PDE4B: variants seen among roughly 807,000 people sequenced by gnomAD.
The protein encoded by PDE4B is phosphodiesterase 4B.
PDE4B carries 20 observed loss-of-function variants against 82.2 expected under a neutral mutation model. The observed-to-expected ratio is 0.24, with a 90% CI of 0.17 to 0.35. PDE4B has a LOEUF of 0.35. Among genes scored for constraint, PDE4B ranks in the 10% least tolerant of loss-of-function variants. PDE4B has a pLI of 1.00. For missense variants in PDE4B, 655 were observed against 907.2 expected (o/e 0.72, Z 3.57); for synonymous variants, 320 against 318.9 (o/e 1.00, Z -0.04).
At chr1:65,851,542 A>G (rs1408894308) in intron 1 of PDE4B, among the ~76,000 whole-genome samples, 2 of 152,056 alleles carry the variant, frequency 1.3e-5, no homozygotes, top group African/African-American at 2.4e-5. Context: ...AAGTACACAT[A>G]TAAATTGTTA....
intron 3 of PDE4B, among the ~76,000 whole-genome samples, chr1:65,934,084 C>T (rs1458143162): frequency 6.6e-6 from 1 of 151,912 alleles, no homozygotes; most frequent in East Asian, 1.9e-4. Flanking sequence ...ATGTAAGCCC[C>T]ATAGTGGCCA....
At chr1:65,895,137 G>A (rs1025650838) in intron 1 of PDE4B, among the ~76,000 whole-genome samples, 1 of 152,148 alleles carries the variant, frequency 6.6e-6, no homozygotes, top group Non-Finnish European at 1.5e-5. Flanking sequence ...TTATCACAAA[G>A]AGGCAAAATG....
chr1:66,097,787 ATTG>A (rs1433957809), intron 3 of PDE4B, among the ~76,000 whole-genome samples: 2 of 147,358 alleles, frequency 1.4e-5, no homozygotes, highest in African/African-American at 2.5e-5. Context: ...TTATTTCTCT[ATTG>A]TTTATTGTCC....
chr1:65,827,652 CATT>C (rs1646034951), intron 1 of PDE4B, among the ~76,000 whole-genome samples: 1 of 152,006 alleles, frequency 6.6e-6, no homozygotes, highest in South Asian at 2.1e-4. Flanking sequence ...AGAGCTGAGA[CATT>C]ATCAAACAGC....
intron 3 of PDE4B, among the ~76,000 whole-genome samples, chr1:66,141,049 A>G (rs1570328002): frequency 6.6e-6 from 1 of 152,138 alleles, no homozygotes; most frequent in Admixed American, 6.6e-5. Flanking sequence ...AAAGATATCA[A>G]TGTAAACAAA....
chr1:66,085,132 T>C (rs1656940669), intron 3 of PDE4B, among the ~76,000 whole-genome samples: 1 of 152,166 alleles, frequency 6.6e-6, no homozygotes, highest in Non-Finnish European at 1.5e-5. Context: ...CTGGGGATGC[T>C]TGTCAGCATG....
At chr1:66,149,863 T>A (rs1570347186) in intron 3 of PDE4B, among the ~76,000 whole-genome samples, 2 of 151,984 alleles carry the variant, frequency 1.3e-5, no homozygotes, top group East Asian at 3.9e-4. Flanking sequence ...AAAAAATATA[T>A]AAAATAAGAT....
chr1:66,342,143 C>T (rs1444553548), intron 8 of PDE4B, among the ~76,000 whole-genome samples: 4 of 151,630 alleles, frequency 2.6e-5, no homozygotes, highest in African/African-American at 4.9e-5. Flanking sequence ...ATTTAAATGT[C>T]GGGAAAAATC....
intron 7 of PDE4B, among the ~76,000 whole-genome samples, chr1:66,281,287 C>G (rs1050708195): frequency 1.3e-5 from 2 of 152,222 alleles, no homozygotes; most frequent in Admixed American, 1.3e-4. Context: ...TCCATCTAAT[C>G]TTTAACAGGG....
chr1:66,260,641 A>G (rs1300679493), intron 6 of PDE4B, among the ~76,000 whole-genome samples: 1 of 152,190 alleles, frequency 6.6e-6, no homozygotes, highest in Non-Finnish European at 1.5e-5. Flanking sequence ...CTTATTTGTT[A>G]GCATGGGTTT....
intron 3 of PDE4B, among the ~76,000 whole-genome samples, chr1:66,078,338 A>C (rs1656538165): frequency 6.6e-6 from 1 of 152,038 alleles, no homozygotes; most frequent in Non-Finnish European, 1.5e-5. Flanking sequence ...CTGGGACTAC[A>C]GGCACATGTC....
intron 1 of PDE4B, among the ~76,000 whole-genome samples, chr1:65,826,980 C>G (rs549681038): frequency 6.6e-6 from 1 of 152,140 alleles, no homozygotes; most frequent in Admixed American, 6.5e-5. Flanking sequence ...AAGGGATAGC[C>G]CAAAGCAAAG....
chr1:66,079,973 T>C (rs1656638726), intron 3 of PDE4B, among the ~76,000 whole-genome samples: 1 of 152,136 alleles, frequency 6.6e-6, no homozygotes, highest in Admixed American at 6.6e-5. Context: ...TTTTAAACGT[T>C]TATTAATTTC....
Position 65,980,570 on chromosome 1 carries a change from G to A in PDE4B, c.281+61735G>A, listed in dbSNP as rs536007862. On this transcript the variant is annotated intron_variant, in intron 3 of 16. Transcript: ENST00000341517. ...TTTTCTTTTCATTTGATTCTCATTT[G>A]TGTTCTCAATATGCTTTACTTTGAG... Among the ~76,000 whole-genome samples, 11 of 152,268 alleles carry A rather than the reference G, an allele frequency of 7.2e-5. No individual in the cohort carries two copies. The East Asian group carries it at 1.2e-3, about 16-fold the overall frequency.
intron 1 of PDE4B, among the ~76,000 whole-genome samples, chr1:65,861,774 A>G (rs1231642053): frequency 1.3e-5 from 2 of 151,912 alleles, no homozygotes; most frequent in Non-Finnish European, 2.9e-5. Context: ...ATCTCTTGTA[A>G]GTTGTATTCC....
intron 3 of PDE4B, among the ~76,000 whole-genome samples, chr1:66,157,302 C>T (rs1015058598): frequency 8.5e-5 from 13 of 152,206 alleles, no homozygotes; most frequent in Non-Finnish European, 1.3e-4. Flanking sequence ...TTTATTGTCA[C>T]TTAGACTTCT....
At chr1:66,060,374 A>G (rs1267167081) in intron 3 of PDE4B, among the ~76,000 whole-genome samples, 1 of 152,200 alleles carries the variant, frequency 6.6e-6, no homozygotes, top group African/African-American at 2.4e-5. Context: ...ATAGTACAAT[A>G]CTTGTTGTTT....
intron 4 of PDE4B, among the ~76,000 whole-genome samples, chr1:66,253,206 C>A (rs1653924242): frequency 6.6e-6 from 1 of 152,102 alleles, no homozygotes; most frequent in Non-Finnish European, 1.5e-5. Context: ...AGAAACAAAC[C>A]AATTCACTTT....
At chr1:66,235,922 A>G (rs951376891) in intron 3 of PDE4B, among the ~76,000 whole-genome samples, 14 of 152,248 alleles carry the variant, frequency 9.2e-5, no homozygotes, top group African/African-American at 2.9e-4. Context: ...AGTAATGTAC[A>G]GAAACAGCTT....
Sources: gnomAD v4.1 joint callset for allele counts (sites outside exome capture counted in the v4.1 genomes callset) on GRCh38, gnomAD v4.1.1 for gene constraint, MANE v1.5 for transcripts, NCBI Gene and HGNC (gene_info 2026-07-23, HGNC 2026-07-21) for gene names.